Variants in MICU3 observed in about 807,000 individuals in gnomAD.
MICU3 encodes the protein mitochondrial calcium uptake 3.
A neutral mutation model predicts 66.5 loss-of-function variants in MICU3; 62 were observed. The ratio of observed to expected loss-of-function variants is 0.93; its 90% confidence interval spans 0.76 to 1.15. The LOEUF (loss-of-function observed/expected upper bound fraction) is 1.15. MICU3 is among the 50% of genes most tolerant of loss of function. MICU3 has a pLI of 0.00. For missense variants in MICU3, 779 were observed against 664.4 expected (o/e 1.17, Z -1.90); for synonymous variants, 308 against 240.7 (o/e 1.28, Z -2.59).
At chr8:17,071,438 C>G (rs1467492307) in intron 3 of MICU3, among the ~76,000 whole-genome samples, 1 of 152,020 alleles carries the variant, frequency 6.6e-6, no homozygotes, top group Non-Finnish European at 1.5e-5. Flanking sequence ...GGACGTCAGT[C>G]ATATTGGATT....
At chr8:17,085,815 T>C (rs1282914152) in intron 6 of MICU3, among the ~76,000 whole-genome samples, 1 of 152,136 alleles carries the variant, frequency 6.6e-6, no homozygotes, top group Non-Finnish European at 1.5e-5. Flanking sequence ...AGTTCTTAGA[T>C]ATTTACCTTT....
intron 8 of MICU3, among the ~76,000 whole-genome samples, chr8:17,091,941 G>A (rs1356666348): frequency 6.6e-6 from 1 of 151,986 alleles, no homozygotes; most frequent in Non-Finnish European, 1.5e-5. Context: ...GTAGTGGCAT[G>A]ATCTCAGCTC....
the MICU3 span, chr8:17,131,345 G>A: frequency 2.6e-5 from 4 of 152,332 alleles, no homozygotes; most frequent in South Asian, 8.3e-4. Flanking sequence ...TCACTAAGGT[G>A]CCTCGTAAGT....
In MICU3 at chr8:17,027,336, C is replaced by T; in HGVS notation, c.57C>T (p.Cys19=). The change falls in exon 1 of 15, where the codon TGC becomes TGT. Residue 19 remains cysteine (C), a synonymous_variant. Coordinates refer to ENST00000318063, the MANE Select transcript of MICU3 (RefSeq NM_181723.3). ...CACCCCGGGTGTCTCCTCCACTCTG[C>T]GCTCACCAGCCCCTCCTTGGGCCGT... The part of the protein sequence containing the change: ...WPPPRVSPPL[C]AHQPLLGPWG... 1 of 1,530,382 alleles carries T rather than the reference C, an allele frequency of 6.5e-7. No individual in the cohort carries two copies. The highest frequency in any genetic ancestry group is 8.7e-7 in the Non-Finnish European group (1 of 1,148,060). 94.8% of individuals were successfully genotyped at this position (1,530,382 alleles called of 1,614,324 possible). A position where few individuals can be genotyped will look rare whatever the true frequency, so the allele number is the denominator to read the frequency against.
intron 1 of MICU3, among the ~76,000 whole-genome samples, chr8:17,036,711 ACT>A (rs1236753992): frequency 1.3e-5 from 2 of 152,046 alleles, no homozygotes; most frequent in African/African-American, 4.8e-5. Flanking sequence ...AGATATAAAG[ACT>A]CTCCACGTCC....
intron 7 of MICU3, 80 bp downstream of exon 7, chr8:17,087,115 G>T (rs1410447065): frequency 3.1e-6 from 3 of 973,360 alleles, no homozygotes; most frequent in African/African-American, 3.3e-5. Context: ...AATAATTAAA[G>T]TTTGTAACTT....
intron 12 of MICU3, among the ~76,000 whole-genome samples, chr8:17,115,207 C>A (rs1478260389): frequency 6.6e-6 from 1 of 151,636 alleles, no homozygotes; most frequent in Admixed American, 6.6e-5. Context: ...ATGATAATTT[C>A]TCTTTCCCAA....
chr8:17,076,168 T>C (rs1012700892), intron 3 of MICU3, among the ~76,000 whole-genome samples: 4 of 151,942 alleles, frequency 2.6e-5, no homozygotes, highest in Non-Finnish European at 4.4e-5. Context: ...GCTGGGACTA[T>C]AGATGAACGC....
intron 4 of MICU3, among the ~76,000 whole-genome samples, chr8:17,080,275 A>AT (rs1484245768): frequency 6.6e-6 from 1 of 152,122 alleles, no homozygotes; most frequent in Admixed American, 6.5e-5. Context: ...CCTGTGGTTT[A>AT]AGCCACTTCA....
chr8:17,053,834 T>C (rs1043400769), intron 1 of MICU3, among the ~76,000 whole-genome samples: 32 of 152,256 alleles, frequency 2.1e-4, no homozygotes, highest in African/African-American at 7.7e-4. Flanking sequence ...TTTTAGCAAA[T>C]GTGAAAAGGG....
chr8:17,031,657 C>G (rs1319827576), intron 1 of MICU3, among the ~76,000 whole-genome samples: 1 of 152,018 alleles, frequency 6.6e-6, no homozygotes, highest in Non-Finnish European at 1.5e-5. Flanking sequence ...TAGCTAAGAA[C>G]TTCTGATTTA....
At chr8:17,041,881 T>A (rs890697168) in intron 1 of MICU3, among the ~76,000 whole-genome samples, 3 of 152,104 alleles carry the variant, frequency 2.0e-5, no homozygotes, top group Non-Finnish European at 4.4e-5. Context: ...AAATAAGAGG[T>A]GATGTCATCT....
intron 7 of MICU3, 27 bp from the exon 8 acceptor site, chr8:17,090,519 C>T (rs1320168190): frequency 6.2e-7 from 1 of 1,602,292 alleles, no homozygotes; most frequent in Non-Finnish European, 8.5e-7. Context: ...TATGACACTT[C>T]ATTTGGCCCT....
the MICU3 span, among the ~76,000 whole-genome samples, chr8:17,137,951 G>C: frequency 6.6e-6 from 1 of 151,938 alleles, no homozygotes; most frequent in Non-Finnish European, 1.5e-5. Context: ...TCTTGACTTT[G>C]TGATCCGCCT....
intron 4 of MICU3, among the ~76,000 whole-genome samples, chr8:17,079,858 G>T (rs114103427): frequency 6.6e-6 from 1 of 151,994 alleles, no homozygotes; most frequent in Non-Finnish European, 1.5e-5. Flanking sequence ...AAAATGTTAT[G>T]CATTTAAATA....
the MICU3 span, among the ~76,000 whole-genome samples, chr8:17,135,758 A>T: frequency 1.3e-5 from 2 of 152,104 alleles, no homozygotes; most frequent in Non-Finnish European, 2.9e-5. Context: ...ATCAGAAGAA[A>T]GTATCCTTTA....
At position 17,104,912 on chromosome 8, in the gene MICU3, G is replaced by A. The variant is rs991961507; in HGVS notation, c.1085+421G>A. On this transcript the variant is annotated intron_variant, in intron 10 of 14. Coordinates refer to ENST00000318063, the MANE Select transcript of MICU3 (RefSeq NM_181723.3). ...CGGGAGGCTGAGGCAGGAGAATGGC[G>A]TGAACCCGGGAGGCGGAGCTTGCAG... is the stretch of plus-strand genomic sequence containing the variant. 2.0e-4 allele frequency among the ~76,000 whole-genome samples: 10 copies of A among 50,688 alleles called. 2 individuals carry two copies. In the South Asian group the frequency reaches 2.6e-3, roughly 13 times the overall value. The allele number at this position is 50,688 out of a possible 152,430, so 33.3% of individuals were successfully genotyped here. A position where few individuals can be genotyped will look rare whatever the true frequency, so the allele number is the denominator to read the frequency against.
At chr8:17,028,831 A>G (rs1032765067) in intron 1 of MICU3, among the ~76,000 whole-genome samples, 3 of 152,202 alleles carry the variant, frequency 2.0e-5, no homozygotes, top group African/African-American at 7.2e-5. Context: ...TGGCTTGGCA[A>G]GGAGCATAGC....
intron 1 of MICU3, among the ~76,000 whole-genome samples, chr8:17,049,774 T>C (rs1433702476): frequency 3.9e-5 from 6 of 152,224 alleles, no homozygotes; most frequent in Admixed American, 3.3e-4. Context: ...TAGATTAAGT[T>C]AACTCTTTTG....
Sources: gnomAD v4.1 joint callset for allele counts (sites outside exome capture counted in the v4.1 genomes callset) on GRCh38, gnomAD v4.1.1 for gene constraint, MANE v1.5 for transcripts, NCBI Gene and HGNC (gene_info 2026-07-23, HGNC 2026-07-21) for gene names.